Variants in CDC42BPB observed in about 807,000 individuals in gnomAD.
CDC42BPB encodes CDC42 binding protein kinase beta, also known as serine/threonine-protein kinase MRCK beta.
Under a neutral mutation model 214.9 loss-of-function variants are expected in CDC42BPB, and 37 were observed. That is an observed-to-expected ratio of 0.17 (90% CI 0.13 to 0.23). The LOEUF is 0.23. CDC42BPB is among the 10% of genes least tolerant of loss of function. The pLI is 1.00. For synonymous variants in CDC42BPB, 931 were observed against 884.0 expected, an observed-to-expected ratio of 1.05 and a Z score of -0.94; for missense variants, 1,694 against 2,227.0, an observed-to-expected ratio of 0.76 and a Z score of 4.82.
intron 20 of CDC42BPB, among the ~76,000 whole-genome samples, chr14:102,962,751 G>A (rs1893017863): frequency 6.6e-6 from 1 of 152,194 alleles, no homozygotes; most frequent in Admixed American, 6.5e-5. Context: ...TACTTGCGAG[G>A]CTGAGGCGGG....
chr14:103,020,871 C>A (rs942083232), intron 1 of CDC42BPB, among the ~76,000 whole-genome samples: 12 of 152,230 alleles, frequency 7.9e-5, no homozygotes, highest in African/African-American at 2.9e-4. Flanking sequence ...GTTCAAATTA[C>A]ACAAAATGTG....
At chr14:102,998,417 G>T (rs761424847) in intron 5 of CDC42BPB, among the ~76,000 whole-genome samples, 3 of 152,348 alleles carry the variant, frequency 2.0e-5, no homozygotes, top group East Asian at 1.9e-4. Context: ...CTTGGTTTTG[G>T]TTGGAGGCTC....
At chr14:102,946,943 C>T (rs1323516790) in intron 27 of CDC42BPB, 11 of 672,820 alleles carry the variant, frequency 1.6e-5, no homozygotes, top group African/African-American at 5.8e-5. Flanking sequence ...GTCAAAACTA[C>T]GAGTAGCTGC....
At chr14:103,011,454 T>C (rs6575938) in intron 2 of CDC42BPB, among the ~76,000 whole-genome samples, 69,452 of 152,098 alleles carry the variant, frequency 0.46, 16,511 homozygotes, top group African/African-American at 0.56. Flanking sequence ...GTCAGAAGGC[T>C]GGGCGTGGTG....
At chr14:102,974,402 A>G in intron 11 of CDC42BPB, 3 of 977,928 alleles carry the variant, frequency 3.1e-6, no homozygotes, top group Non-Finnish European at 3.6e-6. Context: ...ATCTCCCCTG[A>G]GCACTGGGAG....
intron 1 of CDC42BPB, among the ~76,000 whole-genome samples, chr14:103,055,410 G>C (rs1043999483): frequency 1.3e-5 from 2 of 152,190 alleles, no homozygotes; most frequent in Non-Finnish European, 2.9e-5. Flanking sequence ...GCAACACAGT[G>C]AGACTCGTCT....
At chr14:102,969,128 A>G (rs149667169) in intron 14 of CDC42BPB, among the ~76,000 whole-genome samples, 199 of 152,252 alleles carry the variant, frequency 1.3e-3, no homozygotes, top group African/African-American at 4.5e-3. Context: ...GGTTGTAGGG[A>G]GTGGAGGGCG....
Position 103,057,209 on chromosome 14 carries a change from T to G in CDC42BPB, c.-36A>C. 7.5e-7 allele frequency: 1 copy of G among 1,326,552 alleles called. No homozygotes were observed. The allele number at this position is 1,326,552 out of a possible 1,614,324, so 82.2% of individuals were successfully genotyped here. On this transcript the variant is annotated 5_prime_UTR_variant, in exon 1 of 37. Transcript: ENST00000361246. ...GGCCCGCTCCCGACGCGCCGGCCTC[T>G]CACCGCCGGCTCGGCCAGTCCGTCA... is the stretch of plus-strand genomic sequence containing the variant.
At chr14:102,972,735 A>G (rs2139478523) in intron 12 of CDC42BPB, among the ~76,000 whole-genome samples, 1 of 122,948 alleles carries the variant, frequency 8.1e-6, no homozygotes, top group South Asian at 2.6e-4. Context: ...AAAAAAAAAA[A>G]AAAAAAAAAG....
chr14:102,959,296 C>A (rs1441436993), intron 21 of CDC42BPB, among the ~76,000 whole-genome samples: 7 of 130,596 alleles, frequency 5.4e-5, no homozygotes, highest in Admixed American at 1.5e-4. Flanking sequence ...GACTCCGTCT[C>A]AAAAAAAAAA....
At chr14:103,017,803 G>A (rs980055935) in intron 1 of CDC42BPB, among the ~76,000 whole-genome samples, 1 of 152,256 alleles carries the variant, frequency 6.6e-6, no homozygotes, top group African/African-American at 2.4e-5. Context: ...TTCTGCTACA[G>A]AGCAGAGTAC....
chr14:103,056,350 T>G (rs542693795), intron 1 of CDC42BPB, among the ~76,000 whole-genome samples: 2 of 151,992 alleles, frequency 1.3e-5, no homozygotes, highest in African/African-American at 4.8e-5. Flanking sequence ...TACAGCAAAG[T>G]AGGTATTCAG....
intron 30 of CDC42BPB, 165 bp from the exon 31 acceptor site, chr14:102,940,489 CTTCAT>C: frequency 1.4e-6 from 2 of 1,448,710 alleles, no homozygotes; most frequent in Non-Finnish European, 1.8e-6. Flanking sequence ...TGGAATTCAT[CTTCAT>C]TTCAAAGTTT....
chr14:103,048,480 A>AGAT (rs1888417022), intron 1 of CDC42BPB, among the ~76,000 whole-genome samples: 6 of 140,106 alleles, frequency 4.3e-5, no homozygotes, highest in African/African-American at 1.6e-4. Context: ...CGAGGTCAGG[A>AGAT]GATGGAGACC....
rs907012423 is a variant in CDC42BPB, at chr14:102,986,820, G to A, written c.597-240C>T. ...CGAGGCCCTGTGACGATTCCTACTC[G>A]TCTGCCCACCCAGCTAACGAGCCCC... On this transcript the variant is annotated intron_variant, in intron 5 of 36. Coordinates refer to ENST00000361246, the MANE Select transcript of CDC42BPB (RefSeq NM_006035.4). 23 of 725,526 alleles carry A rather than the reference G, an allele frequency of 3.2e-5. No individual in the cohort carries two copies. In the East Asian group the frequency reaches 5.2e-4, roughly 16 times the overall value. The allele number at this position is 725,526 out of a possible 1,614,324, so 44.9% of individuals were successfully genotyped here.
At chr14:103,013,161 C>T (rs975564427) in intron 1 of CDC42BPB, among the ~76,000 whole-genome samples, 1 of 152,214 alleles carries the variant, frequency 6.6e-6, no homozygotes, top group African/African-American at 2.4e-5. Flanking sequence ...CCAAAGCCCA[C>T]GTACAGGACA....
At chr14:102,986,757 C>T (rs998626894) in intron 5 of CDC42BPB, 177 bp from the exon 6 acceptor site, 10 of 983,964 alleles carry the variant, frequency 1.0e-5, no homozygotes, top group Admixed American at 6.2e-5. Flanking sequence ...CAGCCGAAGT[C>T]GTATCACTGC....
intron 12 of CDC42BPB, chr14:102,972,450 G>T: frequency 2.5e-6 from 1 of 395,144 alleles, no homozygotes; most frequent in Non-Finnish European, 3.4e-6. Flanking sequence ...ACTTTTGGAG[G>T]CCAAGGTGGG....
chr14:103,034,659 A>C (rs553439283), intron 1 of CDC42BPB, among the ~76,000 whole-genome samples: 1 of 152,116 alleles, frequency 6.6e-6, no homozygotes, highest in Admixed American at 6.6e-5. Flanking sequence ...TCTCTACTGA[A>C]AATACAAAAT....
Sources: gnomAD v4.1 joint callset for allele counts (sites outside exome capture counted in the v4.1 genomes callset) on GRCh38, gnomAD v4.1.1 for gene constraint, MANE v1.5 for transcripts, NCBI Gene and HGNC (gene_info 2026-07-23, HGNC 2026-07-21) for gene names.